DYNLT5: variants seen among roughly 807,000 people sequenced by gnomAD.
The protein encoded by DYNLT5 is dynein light chain Tctex-type 5.
DYNLT5 carries 25 observed loss-of-function variants against 19.3 expected under a neutral mutation model. The ratio of observed to expected loss-of-function variants is 1.30; its 90% CI spans 0.95 to 1.81. The LOEUF (loss-of-function observed/expected upper bound fraction) is 1.81, where lower values mean the gene tolerates loss of function less well. Among genes scored for constraint, DYNLT5 ranks in the 40% most tolerant of loss-of-function variants. The pLI is 0.00. For synonymous variants in DYNLT5, 82 were observed against 68.9 expected, an observed-to-expected ratio of 1.19 and a Z score of -0.94; for missense variants, 232 against 217.9, an observed-to-expected ratio of 1.06 and a Z score of -0.41.
chr1:66,765,013 G>A (rs1434033781), intron 2 of DYNLT5, among the ~76,000 whole-genome samples: 2 of 152,014 alleles, frequency 1.3e-5, no homozygotes, highest in Non-Finnish European at 2.9e-5. Context: ...CCTGTTTTTT[G>A]AGCAGAAGGG....
chr1:66,761,524 C>T (rs2094645915), intron 2 of DYNLT5, among the ~76,000 whole-genome samples: 1 of 152,138 alleles, frequency 6.6e-6, no homozygotes, highest in Non-Finnish European at 1.5e-5. Flanking sequence ...TGACTCACGC[C>T]TATAATTCCA....
chr1:66,753,044 C>T (rs151275823), intron 1 of DYNLT5, among the ~76,000 whole-genome samples: 81 of 152,314 alleles, frequency 5.3e-4, no homozygotes, highest in Middle Eastern at 3.4e-3. Context: ...CACTCATAAA[C>T]ACACTCACCT....
intron 2 of DYNLT5, among the ~76,000 whole-genome samples, chr1:66,761,411 C>T (rs1409760730): frequency 1.3e-5 from 2 of 152,176 alleles, no homozygotes; most frequent in African/African-American, 4.8e-5. Flanking sequence ...TAGTGGAGGG[C>T]CTTGCCTCAG....
rs768779294 is a variant in DYNLT5 at position 66,754,673 on chromosome 1, C to T, written c.15C>T (p.Asp5=). 5 of 1,608,252 alleles carry T rather than the reference C, an allele frequency of 3.1e-6. No individual in the cohort carries two copies. The African/African-American group carries it at 6.7e-5, about 22-fold the overall frequency. ...TTCCATAGGTTATGATGATGTCAGACAATGCTAAAGGCAGAGCAGCTCATT... is the reference window on the plus strand; with the variant it reads ...TTCCATAGGTTATGATGATGTCAGATAATGCTAAAGGCAGAGCAGCTCATT... MMMS[D]NAKGRAAHSW... is the part of the protein sequence containing the mutation. Residue 5 remains aspartate (D), a synonymous_variant, in exon 2 of 5, where the codon GAC becomes GAT. Transcript: ENST00000282670.
Position 66,778,743 on chromosome 1 carries a change from T to C in DYNLT5, c.*1289T>C, listed in dbSNP as rs892570586. 2.6e-5 allele frequency: 4 copies of C among 152,440 alleles called. No homozygotes were observed. The highest frequency in any genetic ancestry group is 9.6e-5 in the African/African-American group (4 of 41,476). The allele number at this position is 152,440 out of a possible 1,614,324, so 9.4% of individuals were successfully genotyped here. A position where few individuals can be genotyped will look rare whatever the true frequency, so the allele number is the denominator to read the frequency against. Reference sequence around the variant, plus strand: ...AAAAAATGGATACTTTTAAAATCCCTTCCCTTCTGCTATTTTCTGGCTTTT... The same window carrying C: ...AAAAAATGGATACTTTTAAAATCCCCTCCCTTCTGCTATTTTCTGGCTTTT... On this transcript the variant is annotated 3_prime_UTR_variant, in exon 5 of 5. Coordinates refer to ENST00000282670, the MANE Select transcript of DYNLT5 (RefSeq NM_152665.3).
Position 66,766,741 on chromosome 1 carries a change from T to A in DYNLT5, c.120-3646T>A, listed in dbSNP as rs1255175999. ...ACCCATTTCATTCTAATGTGGGAAC[T>A]ATCAGATCTCAGATTTTTATAATAC... On this transcript the variant is annotated intron_variant, in intron 2 of 4. Transcript: ENST00000282670. 3.9e-5 allele frequency among the ~76,000 whole-genome samples: 6 copies of A among 152,334 alleles called. No individual in the cohort carries two copies. In the East Asian group the frequency reaches 1.2e-3, roughly 29 times the overall value.
Position 66,754,783 on chromosome 1 carries a change from T to C in DYNLT5, c.119+6T>C, listed in dbSNP as rs2094633099. Reference sequence around the variant, plus strand: ...ATTCATGGGCGCATCAAAGAGTGAGTAACTGTCTAAAATTGTAAATTCATT... The same window carrying C: ...ATTCATGGGCGCATCAAAGAGTGAGCAACTGTCTAAAATTGTAAATTCATT... On this transcript the variant is annotated splice_donor_region_variant and intron_variant, in intron 2 of 4. Coordinates refer to ENST00000282670, the MANE Select transcript of DYNLT5 (RefSeq NM_152665.3). 2 of 1,606,544 alleles carry C rather than the reference T, an allele frequency of 1.2e-6. No homozygotes were observed. Among genetic ancestry groups the C allele is most frequent in the Non-Finnish European group, 1.7e-6 (2 of 1,177,844 alleles).
At position 66,777,446 on chromosome 1, in the gene DYNLT5, C is replaced by A; in HGVS notation, c.532C>A (p.Leu178Ile). ...TCTTGCAAATGTCTATGCAGTTTAC[C>A]TTGAGTGATTGAAAATAAGAAATCT... ...FALANVYAVY[L>I]E The change falls in exon 5 of 5, where the codon CTT (leucine) becomes ATT (isoleucine). Residue 178 changes from leucine (L) to isoleucine (I), a missense_variant. Physicochemically the swap from Leu to Ile is conservative, Grantham distance 5 (BLOSUM62 2). Coordinates refer to ENST00000282670, the MANE Select transcript of DYNLT5 (RefSeq NM_152665.3). 1.2e-6 allele frequency: 2 copies of A among 1,611,846 alleles called. No homozygotes were observed. Among genetic ancestry groups the A allele is most frequent in the Non-Finnish European group, 1.7e-6 (2 of 1,178,838 alleles).
intron 2 of DYNLT5, among the ~76,000 whole-genome samples, chr1:66,755,511 T>C (rs2094634631): frequency 2.0e-5 from 3 of 152,212 alleles, no homozygotes; most frequent in Non-Finnish European, 4.4e-5. Flanking sequence ...CTTTCGTTCT[T>C]AGTTTCTATA....
chr1:66,758,745 C>T (rs1337270225), intron 2 of DYNLT5, among the ~76,000 whole-genome samples: 2 of 152,114 alleles, frequency 1.3e-5, no homozygotes, highest in Non-Finnish European at 2.9e-5. Context: ...TTCACATTGT[C>T]TAGGTCTTGC....
chr1:66,775,636 A>G (rs900616760), intron 3 of DYNLT5: 1 of 152,258 alleles, frequency 6.6e-6, no homozygotes, highest in Non-Finnish European at 1.5e-5. Flanking sequence ...GACCCAGTGC[A>G]TGGAAAGGAG....
At chr1:66,768,046 A>C (rs1380969626) in intron 2 of DYNLT5, among the ~76,000 whole-genome samples, 1 of 152,206 alleles carries the variant, frequency 6.6e-6, no homozygotes, top group East Asian at 1.9e-4. Context: ...AGTAAATAAG[A>C]GTCCCTGACA....
At chr1:66,764,607 T>G (rs1353521544) in intron 2 of DYNLT5, among the ~76,000 whole-genome samples, 1 of 152,188 alleles carries the variant, frequency 6.6e-6, no homozygotes. Flanking sequence ...CCATAACAGA[T>G]GTAATATGAA....
rs1241375201 is a variant in DYNLT5 at position 66,778,794 on chromosome 1, T to C, written c.*1340T>C. On this transcript the variant is annotated 3_prime_UTR_variant, in exon 5 of 5. Transcript: ENST00000282670. ...AAAGTGATTATTCAAAATGAATTTG[T>C]CAATTTTCACTTTTTTTTTTCTGTT... The C allele has an allele frequency of 7.5e-6, 1 of 134,044 alleles. No homozygotes were observed. The highest frequency in any genetic ancestry group is 2.0e-4 in the East Asian group (1 of 4,988). The allele number at this position is 134,044 out of a possible 1,614,324, so 8.3% of individuals were successfully genotyped here. A position where few individuals can be genotyped will look rare whatever the true frequency, so the allele number is the denominator to read the frequency against.
At chr1:66,766,707 C>T (rs6588218) in intron 2 of DYNLT5, among the ~76,000 whole-genome samples, 40,879 of 151,830 alleles carry the variant, frequency 0.27, 5,827 homozygotes, top group Non-Finnish European at 0.31. Context: ...TGTTCTCTCC[C>T]TTTTTCTAAC....
At chr1:66,753,550 C>A (rs770726600) in intron 1 of DYNLT5, among the ~76,000 whole-genome samples, 1 of 152,018 alleles carries the variant, frequency 6.6e-6, no homozygotes, top group African/African-American at 2.4e-5. Flanking sequence ...AAATGTTGCT[C>A]GAGAAAACAA....
chr1:66,758,089 C>G (rs1160422089), intron 2 of DYNLT5, among the ~76,000 whole-genome samples: 1 of 149,594 alleles, frequency 6.7e-6, no homozygotes, highest in African/African-American at 2.5e-5. Context: ...GAGATTGAGG[C>G]TCCAAAGCTA....
chr1:66,771,253 G>A (rs144897495), intron 3 of DYNLT5, among the ~76,000 whole-genome samples: 55 of 152,290 alleles, frequency 3.6e-4, no homozygotes, highest in African/African-American at 9.6e-4. Flanking sequence ...TGGATTACAC[G>A]GCTCCATAAT....
At chr1:66,774,294 A>T (rs1645222222) in intron 3 of DYNLT5, among the ~76,000 whole-genome samples, 1 of 152,112 alleles carries the variant, frequency 6.6e-6, no homozygotes, top group South Asian at 2.1e-4. Context: ...TAAAATAAAA[A>T]TTCCAAAAAA....
Sources: allele counts gnomAD v4.1 joint callset (sites outside exome capture counted in the v4.1 genomes callset), GRCh38; gene constraint gnomAD v4.1.1; transcripts MANE v1.5; gene names NCBI Gene and HGNC (gene_info 2026-07-23, HGNC 2026-07-21).